Variants in ADAMTS12 observed in about 807,000 individuals in gnomAD.
ADAMTS12 encodes A disintegrin and metalloproteinase with thrombospondin motifs 12.
ADAMTS12 carries 118 observed loss-of-function variants against 167.8 expected under a neutral mutation model. The observed-to-expected ratio is 0.70, with a 90% confidence interval of 0.61 to 0.82. ADAMTS12 has a LOEUF of 0.82. Ranked by LOEUF, ADAMTS12 falls within the 40% of genes least tolerant of loss-of-function variation. The pLI, the probability that ADAMTS12 is intolerant of heterozygous loss-of-function variation, is 0.00. For missense variants in ADAMTS12, 1,916 were observed against 1,998.8 expected (o/e 0.96, Z 0.79); for synonymous variants, 704 against 716.9 (o/e 0.98, Z 0.29).
intron 2 of ADAMTS12, among the ~76,000 whole-genome samples, chr5:33,783,755 T>C (rs1746230933): frequency 6.6e-6 from 1 of 151,924 alleles, no homozygotes; most frequent in Non-Finnish European, 1.5e-5. Context: ...GTTCAGTGGC[T>C]TCAATGATCA....
chr5:33,771,478 G>A (rs964480735), intron 2 of ADAMTS12, among the ~76,000 whole-genome samples: 46 of 152,260 alleles, frequency 3.0e-4, no homozygotes, highest in African/African-American at 1.1e-3. Context: ...GTCCCACTCT[G>A]AGTGAGGTTT....
intron 12 of ADAMTS12, among the ~76,000 whole-genome samples, chr5:33,636,009 T>C (rs563951941): frequency 6.6e-6 from 1 of 152,342 alleles, no homozygotes; most frequent in East Asian, 1.9e-4. Context: ...GTGAGTGGAA[T>C]TGATGTCAAC....
At chr5:33,742,429 T>C (rs192974507) in intron 3 of ADAMTS12, among the ~76,000 whole-genome samples, 5 of 152,080 alleles carry the variant, frequency 3.3e-5, no homozygotes, top group South Asian at 4.2e-4. Flanking sequence ...TTCCCAAACA[T>C]TGGCATCAAT....
intron 3 of ADAMTS12, among the ~76,000 whole-genome samples, chr5:33,737,227 T>C (rs4866382): frequency 0.11 from 17,115 of 152,186 alleles, 1,220 homozygotes; most frequent in Non-Finnish European, 0.15. Flanking sequence ...CCCTGTAAGA[T>C]TGGAAGAACT....
rs1580015770 is a variant in ADAMTS12 at position 33,881,413 on chromosome 5, A to G, written c.195T>C (p.His65=). ...GATAGTGCAAGCCATATGACAAAAA[A>G]TGCCCACTGGCATCTACTCGGACTG... ...VGPVRVDASG[H]FLSYGLHYPI... Residue 65 remains histidine (H), a synonymous_variant, in exon 2 of 24, where the codon CAT becomes CAC. Transcript: ENST00000504830. 3.1e-6 allele frequency: 5 copies of G among 1,614,164 alleles called. No individual in the cohort carries two copies. The Admixed American group carries it at 6.7e-5, about 22-fold the overall frequency.
chr5:33,681,405 T>C (rs376539218), intron 5 of ADAMTS12, among the ~76,000 whole-genome samples: 7 of 152,178 alleles, frequency 4.6e-5, no homozygotes, highest in Non-Finnish European at 7.3e-5. Flanking sequence ...CTGGTTAAGC[T>C]CTATAGATTT....
At chr5:33,583,381 T>A (rs1026143834) in intron 18 of ADAMTS12, among the ~76,000 whole-genome samples, 2 of 152,214 alleles carry the variant, frequency 1.3e-5, no homozygotes, top group African/African-American at 4.8e-5. Flanking sequence ...ATTTTCTTTA[T>A]CTAGTCGTCT....
intron 22 of ADAMTS12, among the ~76,000 whole-genome samples, chr5:33,542,686 A>T (rs1256134666): frequency 6.6e-6 from 1 of 152,248 alleles, no homozygotes; most frequent in Non-Finnish European, 1.5e-5. Context: ...GTGCAATCAA[A>T]TTAGAATTTA....
At chr5:33,710,421 ACAT>A (rs1743354803) in intron 3 of ADAMTS12, among the ~76,000 whole-genome samples, 1 of 152,148 alleles carries the variant, frequency 6.6e-6, no homozygotes, top group South Asian at 2.1e-4. Flanking sequence ...TAATCGTAAC[ACAT>A]TTTAGAGGTT....
At chr5:33,601,816 G>A (rs1738203886) in intron 16 of ADAMTS12, among the ~76,000 whole-genome samples, 1 of 152,094 alleles carries the variant, frequency 6.6e-6, no homozygotes, top group African/African-American at 2.4e-5. Flanking sequence ...TGTTACATAA[G>A]TTCATAAGTT....
At chr5:33,615,745 G>T in intron 15 of ADAMTS12, 83 bp downstream of exon 15, 1 of 1,526,362 alleles carries the variant, frequency 6.6e-7, no homozygotes, top group Non-Finnish European at 8.9e-7. Context: ...CTGACTTAAT[G>T]TCCCCTAGCA....
Position 33,527,134 on chromosome 5 carries a change from A to G in ADAMTS12, c.*54T>C. On this transcript the variant is annotated 3_prime_UTR_variant, in exon 24 of 24. Transcript: ENST00000504830. ...ACGAAGCAGCTCCCAGGGCTAAAGCATGTCATGGTCAGCAGGCTGCTGCAG... is the reference window on the plus strand; with the variant it reads ...ACGAAGCAGCTCCCAGGGCTAAAGCGTGTCATGGTCAGCAGGCTGCTGCAG... 1 of 1,599,736 alleles carries G rather than the reference A, an allele frequency of 6.3e-7. No individual in the cohort carries two copies. The highest frequency in any genetic ancestry group is 1.1e-5 in the South Asian group (1 of 90,210).
intron 12 of ADAMTS12, among the ~76,000 whole-genome samples, chr5:33,637,098 C>T (rs1740232657): frequency 6.6e-6 from 1 of 152,184 alleles, no homozygotes; most frequent in South Asian, 2.1e-4. Flanking sequence ...AATGTCTTCC[C>T]TTTTCTTTCT....
chr5:33,631,209 G>C (rs760075005), intron 12 of ADAMTS12, among the ~76,000 whole-genome samples: 1 of 152,116 alleles, frequency 6.6e-6, no homozygotes, highest in Non-Finnish European at 1.5e-5. Flanking sequence ...ATTCAACATT[G>C]AATTGTGCTT....
At chr5:33,581,806 C>A (rs1399745402) in intron 18 of ADAMTS12, among the ~76,000 whole-genome samples, 6 of 152,090 alleles carry the variant, frequency 3.9e-5, no homozygotes, top group Admixed American at 2.0e-4. Context: ...ACAATAAGGT[C>A]ATTAGGGTGG....
intron 3 of ADAMTS12, among the ~76,000 whole-genome samples, chr5:33,687,057 G>C (rs1482102812): frequency 6.7e-6 from 1 of 149,228 alleles, no homozygotes; most frequent in Non-Finnish European, 1.5e-5. Context: ...ATAGCATTTT[G>C]TTATAGCAGC....
intron 5 of ADAMTS12, among the ~76,000 whole-genome samples, chr5:33,667,756 C>T (rs1741523917): frequency 1.3e-5 from 2 of 152,182 alleles, no homozygotes; most frequent in African/African-American, 4.8e-5. Context: ...CCTCAGTTCT[C>T]AGCCACATTC....
At chr5:33,810,571 G>A (rs1366534552) in intron 2 of ADAMTS12, among the ~76,000 whole-genome samples, 3 of 152,124 alleles carry the variant, frequency 2.0e-5, no homozygotes, top group Non-Finnish European at 2.9e-5. Flanking sequence ...GGGGAGTTGT[G>A]GAAAAGAGTA....
At chr5:33,754,068 A>G (rs934685346) in intron 2 of ADAMTS12, among the ~76,000 whole-genome samples, 2 of 152,122 alleles carry the variant, frequency 1.3e-5, no homozygotes, top group Admixed American at 6.5e-5. Context: ...CCCAACATAT[A>G]AACACAGGGC....
Sources: allele counts gnomAD v4.1 joint callset (sites outside exome capture counted in the v4.1 genomes callset), GRCh38; gene constraint gnomAD v4.1.1; transcripts MANE v1.5; gene names NCBI Gene and HGNC (gene_info 2026-07-23, HGNC 2026-07-21).